Variants in VCAN observed in about 807,000 individuals in gnomAD.
VCAN encodes versican core protein.
VCAN carries 44 observed loss-of-function variants against 245.5 expected under a neutral mutation model. The ratio of observed to expected loss-of-function variants is 0.18; its 90% confidence interval spans 0.14 to 0.23. VCAN has a LOEUF of 0.23. VCAN is among the 10% of genes least tolerant of loss of function. The pLI is 1.00. For missense variants in VCAN, 3,793 were observed against 4,057.9 expected, an observed-to-expected ratio of 0.93 and a Z score of 1.77; for synonymous variants, 1,413 against 1,437.0, an observed-to-expected ratio of 0.98 and a Z score of 0.38.
At chr5:83,498,730 C>T (rs994558056) in intron 5 of VCAN, among the ~76,000 whole-genome samples, 3 of 152,048 alleles carry the variant, frequency 2.0e-5, no homozygotes, top group African/African-American at 7.2e-5. Flanking sequence ...AATTTCATAC[C>T]CATATTTCTA....
chr5:83,507,145 C>T (rs1034551844), intron 5 of VCAN, among the ~76,000 whole-genome samples: 1 of 152,064 alleles, frequency 6.6e-6, no homozygotes, highest in East Asian at 1.9e-4. Context: ...AAACATGTTC[C>T]AAATCTGTGC....
intron 3 of VCAN, 140 bp from the exon 4 acceptor site, chr5:83,493,406 G>T (rs1223418408): frequency 3.5e-6 from 4 of 1,155,858 alleles, no homozygotes; most frequent in Non-Finnish European, 5.0e-6. Flanking sequence ...GCATAATGCT[G>T]CATGAAGTAA....
chr5:83,555,840 C>A (rs1308098902), intron 12 of VCAN, among the ~76,000 whole-genome samples: 1 of 152,130 alleles, frequency 6.6e-6, no homozygotes, highest in Non-Finnish European at 1.5e-5. Flanking sequence ...ACAGGTAATT[C>A]TTAAACGCAA....
intron 12 of VCAN, among the ~76,000 whole-genome samples, chr5:83,563,016 C>T (rs1208229492): frequency 6.6e-6 from 1 of 152,144 alleles, no homozygotes; most frequent in African/African-American, 2.4e-5. Context: ...GGCATATTGC[C>T]ACTTTAACAA....
chr5:83,553,251 C>T, intron 10 of VCAN, 113 bp from the exon 11 acceptor site: 1 of 1,398,196 alleles, frequency 7.2e-7, no homozygotes, highest in Non-Finnish European at 1.0e-6. Context: ...GAATCAGTTA[C>T]TTCAGGGACA....
chr5:83,497,395 T>G (rs1044925695), intron 5 of VCAN, among the ~76,000 whole-genome samples: 1 of 152,100 alleles, frequency 6.6e-6, no homozygotes, highest in African/African-American at 2.4e-5. Flanking sequence ...TCTAGTAGGG[T>G]TCTTTTTCTA....
intron 12 of VCAN, among the ~76,000 whole-genome samples, chr5:83,571,536 T>C (rs1038558128): frequency 6.6e-6 from 1 of 152,100 alleles, no homozygotes; most frequent in African/African-American, 2.4e-5. Context: ...CAATTGTATA[T>C]TATTGCTCAG....
rs1746119654 is a variant in VCAN, at chr5:83,521,899, C to T, written c.3593C>T (p.Thr1198Ile). The T allele has an allele frequency of 6.2e-7, 1 of 1,614,138 alleles. No homozygotes were observed. Among genetic ancestry groups the T allele is most frequent in the Admixed American group, 1.7e-5 (1 of 60,020 alleles). The change falls in exon 7 of 15, where the codon ACA becomes ATA. Residue 1198 changes from threonine to isoleucine, a missense_variant. Physicochemically the swap from Thr to Ile is moderately conservative, Grantham distance 89. This residue lies in a region of VCAN where 3,182 missense variants were observed against 3,250.3 expected (regional missense o/e 0.98). Transcript: ENST00000265077. ...GCCACAGAACTCATAGAATTTTCAA[C>T]AATCAAAGTCACAGTTCCAAGTGAT... Reference protein sequence around the residue: ...PKATELIEFSTIKVTVPSDIT... With the variant: ...PKATELIEFSIIKVTVPSDIT...
chr5:83,531,405 GT>G (rs1029181117), intron 7 of VCAN: 1 of 152,026 alleles, frequency 6.6e-6, no homozygotes, highest in Non-Finnish European at 1.5e-5. Flanking sequence ...GTTTCTGGAG[GT>G]TTTGTTTTTT....
chr5:83,528,415 A>T (rs1409292359), intron 7 of VCAN, among the ~76,000 whole-genome samples: 1 of 152,048 alleles, frequency 6.6e-6, no homozygotes, highest in East Asian at 1.9e-4. Context: ...TAGAGTTTCT[A>T]AACAGCTTCT....
Position 83,540,293 on chromosome 5 carries a change from A to G in VCAN, c.7290A>G (p.Gly2430=). ...CTGACTTGTATTATGAACCTTCTGG[A>G]GAAGGATCTGGAGAAGTGGATATTG... is the stretch of plus-strand genomic sequence containing the variant. ...KPSDLYYEPS[G]EGSGEVDIVD... is the part of the protein sequence containing the mutation. The change falls in exon 8 of 15, where the codon GGA becomes GGG. Residue 2430 remains glycine, a synonymous_variant. Transcript: ENST00000265077. The G allele has an allele frequency of 6.2e-7, 1 of 1,614,158 alleles. No homozygotes were observed. The highest frequency in any genetic ancestry group is 8.5e-7 in the Non-Finnish European group (1 of 1,179,998).
In VCAN at chr5:83,580,865, G is replaced by A. The variant is rs1748647512; in HGVS notation, c.*431G>A. ...ATTTAATGATGATTATGGAGCCTTA[G>A]AGGTCTTTAATCATTGGTTCGGCTG... On this transcript the variant is annotated 3_prime_UTR_variant, in exon 15 of 15. Coordinates refer to ENST00000265077, the MANE Select transcript of VCAN (RefSeq NM_004385.5). The A allele has an allele frequency of 4.1e-6, 1 of 243,726 alleles. No individual in the cohort carries two copies. The highest frequency in any genetic ancestry group is 8.1e-6 in the Non-Finnish European group (1 of 123,374). The allele number at this position is 243,726 out of a possible 1,614,324, so 15.1% of individuals were successfully genotyped here.
At position 83,580,048 on chromosome 5, in the gene VCAN, A is replaced by G; in HGVS notation, c.9949A>G (p.Ile3317Val). The G allele has an allele frequency of 2.5e-6, 4 of 1,614,124 alleles. No individual in the cohort carries two copies. The highest frequency in any genetic ancestry group is 3.4e-6 in the Non-Finnish European group (4 of 1,180,002). The change falls in exon 14 of 15, where the codon ATC (isoleucine) becomes GTC (valine). Residue 3317 changes from isoleucine to valine, a missense_variant. Physicochemically the swap from Ile to Val is conservative, Grantham distance 29. Around this residue, in one of 5 missense-constraint regions of VCAN, gnomAD observed 205 missense variants for 321.1 expected, o/e 0.64. Coordinates refer to ENST00000265077, the MANE Select transcript of VCAN (RefSeq NM_004385.5). ...TFGKMKPRYE[I>V]NSLIRYHCKD... ...TGGAAAGATGAAACCTCGTTATGAAATCAACTCCCTGATTAGATACCACTG... is the reference window on the plus strand; with the variant it reads ...TGGAAAGATGAAACCTCGTTATGAAGTCAACTCCCTGATTAGATACCACTG...
Position 83,541,665 on chromosome 5 carries a change from G to A in VCAN, c.8662G>A (p.Glu2888Lys). The change falls in exon 8 of 15, where the codon GAG becomes AAG. Residue 2888 changes from glutamate to lysine, a missense_variant. This residue lies in a region of VCAN where 3,182 missense variants were observed against 3,250.3 expected (regional missense o/e 0.98). Transcript: ENST00000265077. ...AAGTGAGGAATACCTTCACATAACT[G>A]AGCCTCCCTCTTTATCTCCTGACAC... ...PSSEEYLHIT[E>K]PPSLSPDTKL... The A allele has an allele frequency of 6.2e-7, 1 of 1,613,826 alleles. No homozygotes were observed. The highest frequency in any genetic ancestry group is 1.1e-5 in the South Asian group (1 of 91,078).
rs116495964 is a variant in VCAN, at chr5:83,559,218, C to T, written c.9735+4180C>T. 4.4e-3 allele frequency among the ~76,000 whole-genome samples: 666 copies of T among 152,244 alleles called. 6 individuals carry two copies. The highest frequency in any genetic ancestry group is 9.1e-3 in the South Asian group (44 of 4,828). Reference sequence around the variant, plus strand: ...AAACTTTTCTTATCTAGCTTATATACTGTTAGCTGACTTTAAAGTTCTTTC... The same window carrying T: ...AAACTTTTCTTATCTAGCTTATATATTGTTAGCTGACTTTAAAGTTCTTTC... On this transcript the variant is annotated intron_variant, in intron 12 of 14. Transcript: ENST00000265077.
rs1171968157 is a variant in VCAN, at chr5:83,541,751, T to A, written c.8748T>A (p.Ser2916=). Residue 2916 remains serine (S), a synonymous_variant, in exon 8 of 15, where the codon TCT becomes TCA. Transcript: ENST00000265077. ...AGTTATTAGAAGAAATGGAAGCTTC[T>A]CCCACAGAACTTATTGCTGTGGAAG... ...KPELLEEMEA[S]PTELIAVEGT... 1.9e-6 allele frequency: 3 copies of A among 1,614,038 alleles called. No individual in the cohort carries two copies. Among genetic ancestry groups the A allele is most frequent in the Non-Finnish European group, 2.5e-6 (3 of 1,180,000 alleles).
intron 10 of VCAN, among the ~76,000 whole-genome samples, chr5:83,550,564 C>T (rs1747421718): frequency 6.6e-6 from 1 of 152,142 alleles, no homozygotes; most frequent in Non-Finnish European, 1.5e-5. Context: ...AATGATCCTT[C>T]ATTACATATT....
In VCAN at chr5:83,541,061, A is replaced by G. The variant is rs780717994; in HGVS notation, c.8058A>G (p.Leu2686=). ...APSTETELDV[L]LPTATSLPIP... ...GCACAGAAACAGAATTAGACGTTTTACTTCCCACGGCAACATCCCTGCCAA... is the reference window on the plus strand; with the variant it reads ...GCACAGAAACAGAATTAGACGTTTTGCTTCCCACGGCAACATCCCTGCCAA... The change falls in exon 8 of 15, where the codon TTA becomes TTG. Residue 2686 remains leucine, a synonymous_variant. Transcript: ENST00000265077. 1.9e-6 allele frequency: 3 copies of G among 1,614,098 alleles called. No individual in the cohort carries two copies. The South Asian group carries it at 3.3e-5, about 18-fold the overall frequency.
chr5:83,545,947 A>G (rs1361159157), intron 9 of VCAN, among the ~76,000 whole-genome samples: 1 of 152,204 alleles, frequency 6.6e-6, no homozygotes, highest in Non-Finnish European at 1.5e-5. Flanking sequence ...ATGTACATTT[A>G]TCCCCCAAAT....
Sources: gnomAD v4.1 joint callset for allele counts (sites outside exome capture counted in the v4.1 genomes callset) on GRCh38, gnomAD v4.1.1 for gene constraint, gnomAD v4.1.1 regional missense constraint, MANE v1.5 for transcripts, NCBI Gene and HGNC (gene_info 2026-07-23, HGNC 2026-07-21) for gene names.